Variants in ARIH1 observed in about 807,000 individuals in gnomAD.
ARIH1 encodes E3 ubiquitin-protein ligase ARIH1.
ARIH1 carries 8 observed loss-of-function variants against 85.0 expected under a neutral mutation model. The ratio of observed to expected loss-of-function variants is 0.09; its 90% CI spans 0.06 to 0.17. ARIH1 has a LOEUF of 0.17. Ranked by LOEUF, ARIH1 falls within the 10% of genes least tolerant of loss-of-function variation. ARIH1 has a pLI of 1.00. For missense variants in ARIH1, 311 were observed against 718.1 expected, an observed-to-expected ratio of 0.43 and a Z score of 6.48; for synonymous variants, 238 against 253.6, an observed-to-expected ratio of 0.94 and a Z score of 0.59.
At chr15:72,511,844 A>G (rs2063951959) in intron 1 of ARIH1, among the ~76,000 whole-genome samples, 1 of 152,084 alleles carries the variant, frequency 6.6e-6, no homozygotes, top group South Asian at 2.1e-4. Flanking sequence ...TCTTCTAGGC[A>G]CTTCTTTTTC....
chr15:72,488,744 T>G (rs776404042), intron 1 of ARIH1, among the ~76,000 whole-genome samples: 5 of 152,234 alleles, frequency 3.3e-5, no homozygotes, highest in Non-Finnish European at 2.9e-5. Context: ...CCAGACAAGA[T>G]TTTCTTCTGG....
chr15:72,566,754 G>A, intron 8 of ARIH1, 149 bp downstream of exon 8: 2 of 719,982 alleles, frequency 2.8e-6, no homozygotes, highest in Non-Finnish European at 4.5e-6. Flanking sequence ...TGTATTCAGA[G>A]GTAATTCCTT....
intron 1 of ARIH1, among the ~76,000 whole-genome samples, chr15:72,480,799 A>G (rs2063813586): frequency 6.6e-6 from 1 of 152,108 alleles, no homozygotes; most frequent in Non-Finnish European, 1.5e-5. Flanking sequence ...TCCCGACCTC[A>G]GGTGATCTGC....
chr15:72,550,017 G>C (rs1211169712), intron 3 of ARIH1, among the ~76,000 whole-genome samples: 1 of 152,160 alleles, frequency 6.6e-6, no homozygotes, highest in East Asian at 1.9e-4. Flanking sequence ...CAGACAGGAA[G>C]ATATCTGCGA....
intron 1 of ARIH1, among the ~76,000 whole-genome samples, chr15:72,485,621 A>G (rs1005136931): frequency 3.9e-5 from 6 of 151,954 alleles, no homozygotes; most frequent in Admixed American, 6.6e-5. Context: ...TGTTTTTTAT[A>G]TAACTATCAT....
intron 1 of ARIH1, among the ~76,000 whole-genome samples, chr15:72,488,570 G>A (rs1189096717): frequency 2.0e-5 from 3 of 152,186 alleles, no homozygotes; most frequent in Admixed American, 6.5e-5. Context: ...CAAGCCTCTA[G>A]CTATATATGA....
rs543559014 is a variant in ARIH1, at chr15:72,590,136, T to C, written c.*6844T>C. On this transcript the variant is annotated 3_prime_UTR_variant, in exon 14 of 14. Transcript: ENST00000379887. Reference sequence around the variant, plus strand: ...GTGCCGGGCACTGGCAGTACAGCAGTGAACAAAAGGTCTGTTGGTTTGTCT... The same window carrying C: ...GTGCCGGGCACTGGCAGTACAGCAGCGAACAAAAGGTCTGTTGGTTTGTCT... The C allele has an allele frequency of 4.6e-5, 7 of 152,390 alleles. No individual in the cohort carries two copies. In the South Asian group the frequency reaches 1.4e-3, roughly 32 times the overall value. The allele number at this position is 152,390 out of a possible 1,614,324, so 9.4% of individuals were successfully genotyped here. A position where few individuals can be genotyped will look rare whatever the true frequency, so the allele number is the denominator to read the frequency against.
intron 1 of ARIH1, among the ~76,000 whole-genome samples, chr15:72,491,896 T>A (rs145964396): frequency 1.1e-4 from 17 of 152,340 alleles, no homozygotes; most frequent in African/African-American, 3.8e-4. Context: ...TTGTGTGTGC[T>A]GGGTATTTTC....
chr15:72,507,017 TATG>T (rs1567342197), intron 1 of ARIH1, among the ~76,000 whole-genome samples: 11 of 144,270 alleles, frequency 7.6e-5, no homozygotes, highest in South Asian at 2.2e-4. Flanking sequence ...TGTATGTATG[TATG>T]TATTTATTTA....
intron 1 of ARIH1, among the ~76,000 whole-genome samples, chr15:72,477,061 C>T (rs1395280635): frequency 6.6e-6 from 1 of 152,116 alleles, no homozygotes; most frequent in East Asian, 1.9e-4. Context: ...AAGTGAATTG[C>T]TGAGTCAAAA....
At chr15:72,558,533 C>G (rs1294846508) in intron 5 of ARIH1, among the ~76,000 whole-genome samples, 1 of 152,208 alleles carries the variant, frequency 6.6e-6, no homozygotes, top group Non-Finnish European at 1.5e-5. Context: ...AACTCCTGAC[C>G]TCAGGCGATC....
At chr15:72,555,991 G>A in intron 5 of ARIH1, 84 bp downstream of exon 5, 1 of 1,229,196 alleles carries the variant, frequency 8.1e-7, no homozygotes, top group Non-Finnish European at 1.2e-6. Flanking sequence ...CTCAAAGGAA[G>A]TGAAACTTTT....
chr15:72,566,242 A>C (rs898801000), intron 7 of ARIH1: 24 of 274,390 alleles, frequency 8.7e-5, no homozygotes, highest in Admixed American at 1.6e-4. Context: ...AAAGATTAAA[A>C]ATGCACTGAT....
chr15:72,488,667 T>C (rs965383489), intron 1 of ARIH1, among the ~76,000 whole-genome samples: 1 of 152,192 alleles, frequency 6.6e-6, no homozygotes, highest in Non-Finnish European at 1.5e-5. Context: ...AGTAAATATT[T>C]GTTGAAGTTT....
intron 1 of ARIH1, among the ~76,000 whole-genome samples, chr15:72,515,290 C>A (rs550525746): frequency 7.9e-5 from 12 of 152,034 alleles, no homozygotes; most frequent in African/African-American, 2.9e-4. Flanking sequence ...GAGCCGAGAT[C>A]GTGCCATTGC....
At position 72,581,806 on chromosome 15, in the gene ARIH1, A is replaced by G. The variant is rs567631240; in HGVS notation, c.1477-269A>G. ...TCTCAGAACGAGAAGATTCCAAAAG[A>G]CATTTTAAATCCTTTCAAATGGTCT... On this transcript the variant is annotated intron_variant, in intron 12 of 13. Coordinates refer to ENST00000379887, the MANE Select transcript of ARIH1 (RefSeq NM_005744.5). 185 of 271,828 alleles carry G rather than the reference A, an allele frequency of 6.8e-4. 1 individual carries two copies. Among genetic ancestry groups the G allele is most frequent in the Admixed American group, 1.1e-3 (23 of 20,612 alleles). 16.8% of individuals were successfully genotyped at this position (271,828 alleles called of 1,614,324 possible).
At chr15:72,515,656 T>C (rs1333960923) in intron 1 of ARIH1, among the ~76,000 whole-genome samples, 1 of 152,214 alleles carries the variant, frequency 6.6e-6, no homozygotes, top group Non-Finnish European at 1.5e-5. Flanking sequence ...GGTTCCATTA[T>C]CTCTTCAGTT....
In ARIH1 at chr15:72,506,075, C is replaced by T. The variant is rs1175635741; in HGVS notation, c.376-11992C>T. Reference sequence around the variant, plus strand: ...AAAAACTTAGTCATTGTGGGCCAGGCGCGTGGCTCACGCCTATAATACCAG... The same window carrying T: ...AAAAACTTAGTCATTGTGGGCCAGGTGCGTGGCTCACGCCTATAATACCAG... On this transcript the variant is annotated intron_variant, in intron 1 of 13. Transcript: ENST00000379887. 1.5e-4 allele frequency among the ~76,000 whole-genome samples: 4 copies of T among 26,110 alleles called. No homozygotes were observed. In the Non-Finnish European group the frequency reaches 6.0e-3, roughly 39 times the overall value. The allele number at this position is 26,110 out of a possible 152,430, so 17.1% of individuals were successfully genotyped here.
chr15:72,571,991 A>ATCT, intron 10 of ARIH1, 117 bp from the exon 11 acceptor site: 1 of 698,846 alleles, frequency 1.4e-6, no homozygotes, highest in Non-Finnish European at 2.4e-6. Context: ...TTTCTCTGTT[A>ATCT]TAAAAGATAA....
Sources: gnomAD v4.1 joint callset for allele counts (sites outside exome capture counted in the v4.1 genomes callset) on GRCh38, gnomAD v4.1.1 for gene constraint, MANE v1.5 for transcripts, NCBI Gene and HGNC (gene_info 2026-07-23, HGNC 2026-07-21) for gene names.